KCNJ12: variants seen among roughly 807,000 people sequenced by gnomAD.
KCNJ12 encodes the protein potassium inwardly rectifying channel subfamily J member 12, also known as ATP-sensitive inward rectifier potassium channel 12.
Under a neutral mutation model 22.3 loss-of-function variants are expected in KCNJ12, and 2 were observed. The ratio of observed to expected loss-of-function variants is 0.09; its 90% confidence interval spans 0.04 to 0.28. The LOEUF (loss-of-function observed/expected upper bound fraction) is 0.28, where lower values mean the gene tolerates loss of function less well. Among genes scored for constraint, KCNJ12 ranks in the 10% least tolerant of loss-of-function variants. KCNJ12 has a pLI of 1.00. For missense variants in KCNJ12, 155 were observed against 633.3 expected (o/e 0.24, Z 8.11); for synonymous variants, 117 against 261.4 (o/e 0.45, Z 5.33).
chr17:21,407,979 C>T (rs1479846264), intron 1 of KCNJ12, among the ~76,000 whole-genome samples: 1 of 151,162 alleles, frequency 6.6e-6, no homozygotes, highest in Non-Finnish European at 1.5e-5. Flanking sequence ...TTCATTTATC[C>T]ACCCACCCAT....
At chr17:21,387,972 C>T (rs1462988951) in intron 1 of KCNJ12, among the ~76,000 whole-genome samples, 2 of 152,072 alleles carry the variant, frequency 1.3e-5, no homozygotes, top group Admixed American at 1.3e-4. Context: ...TGCACTGGGT[C>T]CCTTCCTTCC....
chr17:21,415,653 T>C lies in KCNJ12; in HGVS notation c.311T>C (p.Val104Ala). The C allele has an allele frequency of 6.2e-7, 1 of 1,613,580 alleles. No homozygotes were observed. The highest frequency in any genetic ancestry group is 8.5e-7 in the Non-Finnish European group (1 of 1,179,960). Residue 104 changes from valine to alanine, a missense_variant, in exon 3 of 3, where the codon GTC (valine) becomes GCC (alanine). By Grantham distance (64) the Val-to-Ala change is moderately conservative. Coordinates refer to ENST00000583088, the MANE Select transcript of KCNJ12 (RefSeq NM_021012.5). The stretch of plus-strand genomic sequence containing the variant: ...CTGCTGTTCGGCATCATCTTCTGGG[T>C]CATCGCGGTGGCACACGGTGACCTG... ...SWLLFGIIFW[V>A]IAVAHGDLEP...
intron 2 of KCNJ12, among the ~76,000 whole-genome samples, chr17:21,409,689 TAGAG>T (rs1380943674): frequency 0.01 from 1,525 of 152,296 alleles, no homozygotes; most frequent in Non-Finnish European, 0.015. Context: ...TGCCCATGGC[TAGAG>T]AGAGCTTTTG....
At chr17:21,383,363 G>A (rs4523987) in intron 1 of KCNJ12, among the ~76,000 whole-genome samples, 59,130 of 152,042 alleles carry the variant, frequency 0.39, 12,395 homozygotes, top group East Asian at 0.57. Flanking sequence ...TCCTGGTTCC[G>A]GGCCAAGCCA....
At chr17:21,404,865 A>G (rs1326716452) in intron 1 of KCNJ12, among the ~76,000 whole-genome samples, 1 of 152,222 alleles carries the variant, frequency 6.6e-6, no homozygotes, top group Non-Finnish European at 1.5e-5. Flanking sequence ...TGGGGCCAGA[A>G]CCTTCTGACC....
chr17:21,401,276 C>T (rs1419852370), intron 1 of KCNJ12, among the ~76,000 whole-genome samples: 3 of 152,208 alleles, frequency 2.0e-5, no homozygotes, highest in African/African-American at 7.2e-5. Flanking sequence ...GAGAAGTGGT[C>T]GGGGTTGGCT....
chr17:21,386,854 C>G (rs1410904000), intron 1 of KCNJ12, among the ~76,000 whole-genome samples: 2 of 152,208 alleles, frequency 1.3e-5, no homozygotes, highest in Non-Finnish European at 2.9e-5. Context: ...CACCCTAATA[C>G]AGGATGATCT....
At chr17:21,401,896 G>A (rs1156836559) in intron 1 of KCNJ12, among the ~76,000 whole-genome samples, 3 of 152,334 alleles carry the variant, frequency 2.0e-5, no homozygotes. Flanking sequence ...CAGGACAGAG[G>A]GAAGCACAAG....
intron 1 of KCNJ12, among the ~76,000 whole-genome samples, chr17:21,382,190 C>T (rs566165064): frequency 2.0e-4 from 31 of 152,224 alleles, no homozygotes; most frequent in Non-Finnish European, 3.7e-4. Context: ...GCTCCAAGCC[C>T]TGTTGTGTCC....
intron 1 of KCNJ12, among the ~76,000 whole-genome samples, chr17:21,384,770 G>GT (rs200586129): frequency 0.011 from 1,403 of 128,614 alleles, 23 homozygotes; most frequent in African/African-American, 0.032. Context: ...TTGTTTGTTT[G>GT]TTTTTTTTTT....
intron 1 of KCNJ12, among the ~76,000 whole-genome samples, chr17:21,378,618 C>T (rs1194934098): frequency 6.6e-6 from 1 of 152,152 alleles, no homozygotes; most frequent in Non-Finnish European, 1.5e-5. Flanking sequence ...CCCCTCTTCT[C>T]CACTGGAGGG....
At chr17:21,382,414 G>T (rs1253358507) in intron 1 of KCNJ12, among the ~76,000 whole-genome samples, 2 of 152,184 alleles carry the variant, frequency 1.3e-5, no homozygotes, top group Admixed American at 1.3e-4. Context: ...CAGTGTCTCT[G>T]TTTCTTGCCC....
chr17:21,389,887 C>T (rs998041476), intron 1 of KCNJ12, among the ~76,000 whole-genome samples: 18 of 152,184 alleles, frequency 1.2e-4, no homozygotes, highest in African/African-American at 4.3e-4. Context: ...AGGGCATGAA[C>T]CCTGAGTCCA....
intron 1 of KCNJ12, among the ~76,000 whole-genome samples, chr17:21,382,212 G>A (rs1217928258): frequency 6.6e-6 from 1 of 152,198 alleles, no homozygotes; most frequent in Admixed American, 6.5e-5. Context: ...CTAGCACTTG[G>A]CCTGCTTCAG....
chr17:21,388,284 C>G (rs1264132555), intron 1 of KCNJ12, among the ~76,000 whole-genome samples: 1 of 152,172 alleles, frequency 6.6e-6, no homozygotes, highest in African/African-American at 2.4e-5. Context: ...GGCCTCGCTT[C>G]AGACGCCTGA....
At chr17:21,383,752 G>GA (rs1434669904) in intron 1 of KCNJ12, among the ~76,000 whole-genome samples, 11 of 152,154 alleles carry the variant, frequency 7.2e-5, no homozygotes, top group Non-Finnish European at 1.3e-4. Flanking sequence ...GAGCTTTGAG[G>GA]ATGCAGGATT....
At chr17:21,397,321 A>G (rs1905400347) in intron 1 of KCNJ12, among the ~76,000 whole-genome samples, 1 of 152,226 alleles carries the variant, frequency 6.6e-6, no homozygotes, top group South Asian at 2.1e-4. Context: ...CTCTCGAGCA[A>G]GGGCCACCCC....
At chr17:21,410,886 A>G (rs1404148896) in intron 2 of KCNJ12, among the ~76,000 whole-genome samples, 2 of 152,306 alleles carry the variant, frequency 1.3e-5, no homozygotes, top group African/African-American at 2.4e-5. Flanking sequence ...TAAATGAATC[A>G]GTTTATTAAA....
chr17:21,397,795 G>A (rs1905420754), intron 1 of KCNJ12, among the ~76,000 whole-genome samples: 1 of 152,216 alleles, frequency 6.6e-6, no homozygotes, highest in African/African-American at 2.4e-5. Context: ...ACTCTGCCCT[G>A]CGGCCTCCAG....
Sources: gnomAD v4.1 joint callset for allele counts (sites outside exome capture counted in the v4.1 genomes callset) on GRCh38, gnomAD v4.1.1 for gene constraint, MANE v1.5 for transcripts, NCBI Gene and HGNC (gene_info 2026-07-23, HGNC 2026-07-21) for gene names.